Variants in EXOC4 observed in about 807,000 individuals in gnomAD.
EXOC4 encodes exocyst complex component 4.
In EXOC4, 71 loss-of-function variants were observed where a neutral mutation model predicts 107.2. That is an observed-to-expected ratio of 0.66 (90% CI 0.55 to 0.81). The LOEUF (loss-of-function observed/expected upper bound fraction) is 0.81. EXOC4 is among the 30% of genes least tolerant of loss of function. The probability of loss-of-function intolerance (pLI) is 0.00; values close to 1 mark genes in which losing one functional copy is unlikely to be tolerated. For synonymous variants in EXOC4, 456 were observed against 441.2 expected (o/e 1.03, Z -0.42); for missense variants, 1,108 against 1,189.6 (o/e 0.93, Z 1.01).
intron 5 of EXOC4, among the ~76,000 whole-genome samples, chr7:133,325,907 G>A (rs545305067): frequency 3.9e-5 from 6 of 152,178 alleles, no homozygotes; most frequent in East Asian, 3.9e-4. Context: ...GGCTTTGTTC[G>A]TTTCTTTTTA....
intron 10 of EXOC4, among the ~76,000 whole-genome samples, chr7:133,747,381 G>T (rs1278652216): frequency 1.7e-4 from 26 of 152,128 alleles, no homozygotes; most frequent in Admixed American, 1.7e-3. Flanking sequence ...AGGAATAAAT[G>T]GTACAGGTTG....
At chr7:133,454,163 T>C (rs950425254) in intron 7 of EXOC4, among the ~76,000 whole-genome samples, 2 of 152,230 alleles carry the variant, frequency 1.3e-5, no homozygotes, top group African/African-American at 2.4e-5. Context: ...GAAAACGTTA[T>C]AAATATTCAG....
chr7:133,955,525 G>C (rs980546208), intron 14 of EXOC4, among the ~76,000 whole-genome samples: 1 of 152,216 alleles, frequency 6.6e-6, no homozygotes, highest in Non-Finnish European at 1.5e-5. Context: ...TGGTCCATGG[G>C]TGAGCCTGGA....
At chr7:134,092,283 TAAAA>T in the EXOC4 span, among the ~76,000 whole-genome samples, 2 of 151,954 alleles carry the variant, frequency 1.3e-5, no homozygotes, top group Non-Finnish European at 2.9e-5. Context: ...ATATTTCAAT[TAAAA>T]AAATTTAAAG....
chr7:133,526,159 C>T (rs1278099521), intron 9 of EXOC4, among the ~76,000 whole-genome samples: 1 of 152,126 alleles, frequency 6.6e-6, no homozygotes, highest in Non-Finnish European at 1.5e-5. Context: ...ATAATTGGCT[C>T]TTTCTGTTTT....
chr7:133,391,923 G>A (rs1796861181), intron 7 of EXOC4, among the ~76,000 whole-genome samples: 1 of 152,148 alleles, frequency 6.6e-6, no homozygotes, highest in African/African-American at 2.4e-5. Context: ...TTAAACCTGG[G>A]AACAATGGGG....
chr7:133,782,833 G>T (rs1009903853), intron 10 of EXOC4, among the ~76,000 whole-genome samples: 6 of 152,164 alleles, frequency 3.9e-5, no homozygotes, highest in African/African-American at 1.4e-4. Context: ...TGTATGGAAA[G>T]ACAAAATTAG....
intron 9 of EXOC4, among the ~76,000 whole-genome samples, chr7:133,512,666 CA>C (rs1446737781): frequency 1.3e-5 from 2 of 152,124 alleles, no homozygotes; most frequent in African/African-American, 2.4e-5. Context: ...AAAACCAAAC[CA>C]AACCAAACAA....
At chr7:133,584,552 C>G (rs932958904) in intron 9 of EXOC4, among the ~76,000 whole-genome samples, 1 of 139,562 alleles carries the variant, frequency 7.2e-6, no homozygotes, top group Non-Finnish European at 1.6e-5. Flanking sequence ...ATTTTTCAGG[C>G]CTTTGTTTTT....
chr7:133,926,494 A>G (rs979747481), intron 13 of EXOC4, among the ~76,000 whole-genome samples: 6 of 152,220 alleles, frequency 3.9e-5, no homozygotes, highest in African/African-American at 1.4e-4. Flanking sequence ...CTGATGTATT[A>G]TATTGTTACA....
At chr7:133,309,163 C>T (rs757895650) in intron 4 of EXOC4, among the ~76,000 whole-genome samples, 1 of 152,106 alleles carries the variant, frequency 6.6e-6, no homozygotes. Context: ...TCTTTTCTAG[C>T]CCTGGGTGGG....
chr7:133,805,647 C>T (rs547484373), intron 10 of EXOC4, among the ~76,000 whole-genome samples: 155 of 152,210 alleles, frequency 1.0e-3, no homozygotes, highest in African/African-American at 3.2e-3. Flanking sequence ...AAGCTAGTGG[C>T]CACAGGACAA....
At chr7:133,775,651 G>T (rs1257273867) in intron 10 of EXOC4, among the ~76,000 whole-genome samples, 1 of 152,146 alleles carries the variant, frequency 6.6e-6, no homozygotes, top group Admixed American at 6.6e-5. Flanking sequence ...CTGTTGCACA[G>T]TTAAAGCATC....
At chr7:133,514,387 C>A (rs75004606) in intron 9 of EXOC4, among the ~76,000 whole-genome samples, 7 of 152,238 alleles carry the variant, frequency 4.6e-5, no homozygotes, top group African/African-American at 1.7e-4. Flanking sequence ...TTGTCTCAAT[C>A]TGCTGACCTC....
intron 9 of EXOC4, among the ~76,000 whole-genome samples, chr7:133,532,318 G>A (rs1027877770): frequency 2.0e-5 from 3 of 151,880 alleles, no homozygotes; most frequent in Non-Finnish European, 2.9e-5. Flanking sequence ...TTTTAGAAAC[G>A]TAAAAGGAGG....
At chr7:133,576,936 A>T (rs1239721739) in intron 9 of EXOC4, 1 of 1,126,570 alleles carries the variant, frequency 8.9e-7, no homozygotes, top group Admixed American at 2.4e-5. Context: ...TATTCACTGC[A>T]TGTGTGTATG....
intron 5 of EXOC4, among the ~76,000 whole-genome samples, chr7:133,343,354 A>G (rs928919005): frequency 6.6e-6 from 1 of 152,056 alleles, no homozygotes; most frequent in African/African-American, 2.4e-5. Flanking sequence ...GGGTTTCTGC[A>G]AAGAGTCTTG....
chr7:133,488,177 TATTA>T (rs1434402362), intron 9 of EXOC4, among the ~76,000 whole-genome samples: 5 of 152,302 alleles, frequency 3.3e-5, no homozygotes, highest in East Asian at 3.9e-4. Flanking sequence ...TGAAGGGAGC[TATTA>T]ATTAACAAAA....
rs1178238728 is a variant in EXOC4, at chr7:133,966,959, C to CT, written c.2206+28898dup. Among the ~76,000 whole-genome samples, 6 of 151,756 alleles carry CT rather than the reference C, an allele frequency of 4.0e-5. No individual in the cohort carries two copies. In the East Asian group the frequency reaches 1.2e-3, roughly 29 times the overall value. On this transcript the variant is annotated intron_variant, in intron 14 of 17. Transcript: ENST00000253861. ...CAGCTGTGAATTCGTCTGGTCCTTG[C>CT]TTTTTTTTGGTGGTAGGCTATTAAT...
Sources: allele counts gnomAD v4.1 joint callset (sites outside exome capture counted in the v4.1 genomes callset), GRCh38; gene constraint gnomAD v4.1.1; transcripts MANE v1.5; gene names NCBI Gene and HGNC (gene_info 2026-07-23, HGNC 2026-07-21).